The following PIAS2 variants were observed in gnomAD, a reference collection of about 807,000 sequenced individuals.
PIAS2 encodes E3 SUMO-protein ligase PIAS2.
A neutral mutation model predicts 69.7 loss-of-function variants in PIAS2; 19 were observed. That is an observed-to-expected ratio of 0.27 (90% CI 0.19 to 0.40). PIAS2 has a LOEUF of 0.40. Ranked by LOEUF, PIAS2 falls within the 10% of genes least tolerant of loss-of-function variation. PIAS2 has a pLI of 1.00. For missense variants in PIAS2, 624 were observed against 757.0 expected, an observed-to-expected ratio of 0.82 and a Z score of 2.06; for synonymous variants, 261 against 263.2, an observed-to-expected ratio of 0.99 and a Z score of 0.08.
intron 11 of PIAS2, among the ~76,000 whole-genome samples, chr18:46,822,219 C>A (rs1259369759): frequency 6.6e-6 from 1 of 152,082 alleles, no homozygotes; most frequent in Non-Finnish European, 1.5e-5. Flanking sequence ...ATATGGATAT[C>A]AATACAAATG....
chr18:46,836,665 A>T, intron 8 of PIAS2, 148 bp from the exon 9 acceptor site: 1 of 580,572 alleles, frequency 1.7e-6, no homozygotes, highest in South Asian at 3.0e-5. Flanking sequence ...TCCCAAGAAG[A>T]TTACAATATA....
chr18:46,896,336 C>T (rs1286501117), intron 1 of PIAS2, among the ~76,000 whole-genome samples: 3 of 150,534 alleles, frequency 2.0e-5, no homozygotes, highest in Admixed American at 6.6e-5. Context: ...AACTTAAATA[C>T]AGATAAAAGT....
At chr18:46,916,501 G>A (rs2057922720) in intron 1 of PIAS2, among the ~76,000 whole-genome samples, 1 of 151,784 alleles carries the variant, frequency 6.6e-6, no homozygotes, top group Admixed American at 6.6e-5. Context: ...GTCACACTTA[G>A]TTAGGACTTT....
chr18:46,873,370 A>G (rs968750431), intron 2 of PIAS2, among the ~76,000 whole-genome samples: 3 of 152,214 alleles, frequency 2.0e-5, no homozygotes, highest in Non-Finnish European at 4.4e-5. Flanking sequence ...ACAAAGGTCA[A>G]GGCTGATTTA....
intron 9 of PIAS2, among the ~76,000 whole-genome samples, chr18:46,831,327 C>G (rs2043586830): frequency 6.6e-6 from 1 of 151,912 alleles, no homozygotes; most frequent in African/African-American, 2.4e-5. Flanking sequence ...AAGAGATGTA[C>G]AAGACACATT....
At chr18:46,816,987 C>T in intron 12 of PIAS2, 2 of 926,844 alleles carry the variant, frequency 2.2e-6, no homozygotes, top group Non-Finnish European at 2.6e-6. Flanking sequence ...TTGTCTAGCC[C>T]TTGTAATACC....
In PIAS2 at chr18:46,806,765, T is replaced by C. The variant is rs2040708478; in HGVS notation, c.*5668A>G. 1 of 152,214 alleles carries C rather than the reference T, an allele frequency of 6.6e-6. No individual in the cohort carries two copies. Among genetic ancestry groups the C allele is most frequent in the Admixed American group, 6.5e-5 (1 of 15,290 alleles). 9.4% of individuals were successfully genotyped at this position (152,214 alleles called of 1,614,324 possible). A position where few individuals can be genotyped will look rare whatever the true frequency, so the allele number is the denominator to read the frequency against. ...ACTTACAAAACACTCTAAACATTTA[T>C]TAAACAGTTTGATGAAGGCCAAAAT... On this transcript the variant is annotated 3_prime_UTR_variant, in exon 14 of 14. Coordinates refer to ENST00000585916, the MANE Select transcript of PIAS2 (RefSeq NM_004671.5).
At chr18:46,851,353 C>T (rs1486595853) in intron 5 of PIAS2, among the ~76,000 whole-genome samples, 4 of 152,162 alleles carry the variant, frequency 2.6e-5, no homozygotes, top group African/African-American at 9.7e-5. Flanking sequence ...CTTTCTTCAA[C>T]CTTAGAGCTA....
At chr18:46,866,475 A>G (rs1352173020) in intron 2 of PIAS2, among the ~76,000 whole-genome samples, 2 of 152,278 alleles carry the variant, frequency 1.3e-5, no homozygotes. Flanking sequence ...AGAAGATATA[A>G]GAATTTGCTG....
At chr18:46,827,789 A>G in intron 11 of PIAS2, 170 bp downstream of exon 11, 2 of 513,874 alleles carry the variant, frequency 3.9e-6, no homozygotes, top group South Asian at 4.4e-5. Context: ...TCTCCATCAA[A>G]ATTTGCTTCC....
At chr18:46,916,550 C>T (rs1202679395) in intron 1 of PIAS2, among the ~76,000 whole-genome samples, 1 of 152,168 alleles carries the variant, frequency 6.6e-6, no homozygotes, top group Non-Finnish European at 1.5e-5. Context: ...CTCTTCTGTT[C>T]TACCCCCATC....
At chr18:46,917,117 CCGCCGCCCCCG>C (rs1284817645) in intron 1 of PIAS2, 194 bp downstream of exon 1, 19 of 993,734 alleles carry the variant, frequency 1.9e-5, no homozygotes, top group Non-Finnish European at 2.2e-5. Context: ...CGGCCCAGGC[CCGCCGCCCCCG>C]CGCCGCCCGC....
chr18:46,816,212 CCCCGAATATAA>C, intron 12 of PIAS2: 1 of 985,228 alleles, frequency 1.0e-6, no homozygotes, highest in Non-Finnish European at 1.2e-6. Flanking sequence ...TTCAGAGACA[CCCCGAATATAA>C]CCACCACACA....
At position 46,808,143 on chromosome 18, in the gene PIAS2, A is replaced by T. The variant is rs1730832392; in HGVS notation, c.*4290T>A. 1 of 152,246 alleles carries T rather than the reference A, an allele frequency of 6.6e-6. No homozygotes were observed. The highest frequency in any genetic ancestry group is 1.5e-5 in the Non-Finnish European group (1 of 68,042). The allele number at this position is 152,246 out of a possible 1,614,324, so 9.4% of individuals were successfully genotyped here. A position where few individuals can be genotyped will look rare whatever the true frequency, so the allele number is the denominator to read the frequency against. ...GACACAGTTTTAATGACATGGAATA[A>T]TGCCTGTAGGTTGCGGGGAAAAACC... is the stretch of plus-strand genomic sequence containing the variant. On this transcript the variant is annotated 3_prime_UTR_variant, in exon 14 of 14. Coordinates refer to ENST00000585916, the MANE Select transcript of PIAS2 (RefSeq NM_004671.5).
chr18:46,917,107 C>A, intron 1 of PIAS2: 1 of 990,592 alleles, frequency 1.0e-6, no homozygotes, highest in Non-Finnish European at 1.2e-6. Flanking sequence ...CGGCTCGCCG[C>A]GGCCCAGGCC....
chr18:46,863,567 C>G (rs973740252), intron 3 of PIAS2, among the ~76,000 whole-genome samples: 5 of 152,182 alleles, frequency 3.3e-5, no homozygotes, highest in African/African-American at 9.7e-5. Context: ...GCTAGGATTA[C>G]AGGCATGAGC....
At position 46,803,429 on chromosome 18, in the gene PIAS2, A is replaced by G. The variant is rs1203527611; in HGVS notation, c.*9004T>C. The G allele has an allele frequency of 2.0e-5, 3 of 152,196 alleles. No homozygotes were observed. The highest frequency in any genetic ancestry group is 2.9e-5 in the Non-Finnish European group (2 of 68,030). 9.4% of individuals were successfully genotyped at this position (152,196 alleles called of 1,614,324 possible). ...CTGTAATACCACGTTATTTTCCTTC[A>G]GTCTCAGCTGCTGCTTCTTGATTTC... On this transcript the variant is annotated 3_prime_UTR_variant, in exon 14 of 14. Transcript: ENST00000585916.
intron 9 of PIAS2, 126 bp downstream of exon 9, chr18:46,836,231 C>T: frequency 1.4e-6 from 1 of 731,486 alleles, no homozygotes; most frequent in South Asian, 2.1e-5. Context: ...GGAAAACATA[C>T]AAACATCTGG....
intron 2 of PIAS2, among the ~76,000 whole-genome samples, chr18:46,884,486 T>C (rs150726694): frequency 0.019 from 2,849 of 152,066 alleles, 92 homozygotes; most frequent in African/African-American, 0.065. Context: ...TAATTTTTTG[T>C]GTTTTTAGTA....
Sources: allele counts gnomAD v4.1 joint callset (sites outside exome capture counted in the v4.1 genomes callset), GRCh38; gene constraint gnomAD v4.1.1; transcripts MANE v1.5; gene names NCBI Gene and HGNC (gene_info 2026-07-23, HGNC 2026-07-21).